PLA2G4E: variants seen among roughly 807,000 people sequenced by gnomAD.
PLA2G4E encodes the protein cytosolic phospholipase A2 epsilon.
A neutral mutation model predicts 109.1 loss-of-function variants in PLA2G4E; 84 were observed. That is an observed-to-expected ratio of 0.77 (90% confidence interval 0.65 to 0.92). The LOEUF is 0.92. PLA2G4E is among the 40% of genes least tolerant of loss of function. PLA2G4E has a pLI of 0.00. For synonymous variants in PLA2G4E, 469 were observed against 436.1 expected (o/e 1.08, Z -0.94); for missense variants, 1,057 against 1,076.6 (o/e 0.98, Z 0.25).
At chr15:42,021,642 G>A (rs866878298) in intron 1 of PLA2G4E, among the ~76,000 whole-genome samples, 13 of 152,286 alleles carry the variant, frequency 8.5e-5, no homozygotes, top group African/African-American at 2.9e-4. Context: ...GCCAGGTGGA[G>A]AGAGGGCGTG....
At position 42,045,380 on chromosome 15, in the gene PLA2G4E, C is replaced by T. The variant is rs979061983; in HGVS notation, c.183+5141G>A. Among the ~76,000 whole-genome samples the T allele has an allele frequency of 1.2e-4, 19 of 152,056 alleles. 1 individual carries two copies. Among genetic ancestry groups the T allele is most frequent in the Admixed American group, 1.0e-3 (16 of 15,272 alleles). On this transcript the variant is annotated intron_variant, in intron 1 of 19. Coordinates refer to ENST00000399518, the Ensembl canonical transcript of PLA2G4E. ...GGTGGGGTGGGGCCCCTGGAGTGGG[C>T]GGAGGCCTCTGCCTCTCATGAGATG...
intron 9 of PLA2G4E, 140 bp downstream of exon 9, chr15:41,999,777 A>G (rs2068394185): frequency 1.8e-6 from 2 of 1,125,114 alleles, no homozygotes; most frequent in Admixed American, 2.0e-5. Context: ...CTCCTGCCCC[A>G]CAAGACTCCT....
At chr15:42,000,692 G>A (rs1361960590) in intron 7 of PLA2G4E, among the ~76,000 whole-genome samples, 2 of 152,182 alleles carry the variant, frequency 1.3e-5, no homozygotes, top group Non-Finnish European at 2.9e-5. Context: ...GGCAACATGG[G>A]GTGGGGTGGG....
chr15:41,988,433 G>A (rs1191166802), intron 15 of PLA2G4E, among the ~76,000 whole-genome samples: 1 of 152,200 alleles, frequency 6.6e-6, no homozygotes, highest in Admixed American at 6.5e-5. Flanking sequence ...ATGCTGGCAA[G>A]TGCAGGCTTT....
At chr15:42,005,028 T>G in intron 4 of PLA2G4E, 50 bp from the exon 5 acceptor site, 1 of 1,602,166 alleles carries the variant, frequency 6.2e-7, no homozygotes, top group Non-Finnish European at 8.5e-7. Context: ...TGCACATCTC[T>G]GCTGACCAGA....
exon 13 of PLA2G4E, chr15:41,992,776 G>A (rs77783613): frequency 0.054 from 87,636 of 1,613,060 alleles, 3,383 homozygotes; most frequent in East Asian, 0.16. Context: ...GGCCCCAGAA[G>A]TCTGTAAAGG....
Position 42,002,264 on chromosome 15 carries a change from C to CAAAAAAAAAAAAAAA in PLA2G4E, c.609+375_609+389dup, listed in dbSNP as rs71108143. On this transcript the variant is annotated intron_variant, in intron 6 of 19. Coordinates refer to ENST00000399518, the Ensembl canonical transcript of PLA2G4E. ...TGGGCGACAGAGTGAGACCTTGTCT[C>CAAAAAAAAAAAAAAA]AAAAAAAAAAAAAAAAAAAAAAAGG... Among the ~76,000 whole-genome samples the CAAAAAAAAAAAAAAA allele has an allele frequency of 2.3e-4, 17 of 73,216 alleles. 1 individual carries two copies. Among genetic ancestry groups the CAAAAAAAAAAAAAAA allele is most frequent in the African/African-American group, 1.1e-3 (17 of 16,180 alleles). The allele number at this position is 73,216 out of a possible 152,430, so 48.0% of individuals were successfully genotyped here.
intron 12 of PLA2G4E, among the ~76,000 whole-genome samples, chr15:41,994,739 T>C (rs1302207253): frequency 6.6e-6 from 1 of 152,262 alleles, no homozygotes; most frequent in Non-Finnish European, 1.5e-5. Flanking sequence ...ATGACTGTTG[T>C]ATAAAGACAA....
At chr15:42,037,422 T>A (rs1889236864) in intron 1 of PLA2G4E, among the ~76,000 whole-genome samples, 4 of 152,230 alleles carry the variant, frequency 2.6e-5, no homozygotes, top group Admixed American at 2.6e-4. Context: ...TCCTCTCTGC[T>A]AGGAGTTGAA....
chr15:42,042,298 A>G (rs1889328820), intron 1 of PLA2G4E, among the ~76,000 whole-genome samples: 1 of 152,212 alleles, frequency 6.6e-6, no homozygotes. Context: ...TTCTAAATAT[A>G]TGTGCCTATA....
chr15:42,039,887 T>C (rs1889283479), intron 1 of PLA2G4E, among the ~76,000 whole-genome samples: 1 of 152,164 alleles, frequency 6.6e-6, no homozygotes, highest in African/African-American at 2.4e-5. Context: ...TTTAGTACAA[T>C]AACCAATTAA....
rs866358057 is a variant in PLA2G4E, at chr15:42,006,194, C to A, written c.394-73G>T. On this transcript the variant is annotated intron_variant, in intron 3 of 19. Transcript: ENST00000399518. ...CCCCTTCCCAGAACAAGGGGCTTGA[C>A]CTCTGTCCTAGCAAGGAGGTAGGTC... The A allele has an allele frequency of 3.5e-5, 56 of 1,580,174 alleles. 1 individual carries two copies. The Middle Eastern group carries it at 6.9e-4, about 19-fold the overall frequency.
At chr15:42,036,230 C>T (rs1327018691) in intron 1 of PLA2G4E, among the ~76,000 whole-genome samples, 2 of 152,126 alleles carry the variant, frequency 1.3e-5, no homozygotes, top group African/African-American at 2.4e-5. Context: ...TGCAGCCCAC[C>T]GCCCTGGGGG....
chr15:42,004,923 C>G lies in PLA2G4E; in HGVS notation c.566+15G>C. 6.2e-7 allele frequency: 1 copy of G among 1,612,724 alleles called. No homozygotes were observed. The highest frequency in any genetic ancestry group is 8.5e-7 in the Non-Finnish European group (1 of 1,179,398). ...GCCAGGACCTTGGTGGGCCCCGGGGCCTGGGCCTACTCACCTCTCCTCCAG... is the reference window on the plus strand; with the variant it reads ...GCCAGGACCTTGGTGGGCCCCGGGGGCTGGGCCTACTCACCTCTCCTCCAG... On this transcript the variant is annotated intron_variant, in intron 5 of 19. Coordinates refer to ENST00000399518, the Ensembl canonical transcript of PLA2G4E.
intron 5 of PLA2G4E, 146 bp downstream of exon 5, chr15:42,004,792 C>G: frequency 1.2e-6 from 1 of 867,874 alleles, no homozygotes; most frequent in Non-Finnish European, 1.9e-6. Flanking sequence ...GATTCTGATG[C>G]ACAGTGAAGA....
intron 18 of PLA2G4E, 147 bp downstream of exon 18, chr15:41,985,692 A>G (rs1256992777): frequency 1.3e-5 from 14 of 1,038,962 alleles, no homozygotes; most frequent in Non-Finnish European, 1.7e-5. Flanking sequence ...ACTTCCCATC[A>G]TGACTGCTGC....
rs150669810 is a variant in PLA2G4E, at chr15:42,025,504, G to T, written c.184-11747C>A. Among the ~76,000 whole-genome samples the T allele has an allele frequency of 4.3e-4, 65 of 151,596 alleles. 4 individuals carry two copies. The East Asian group carries it at 0.012, about 29-fold the overall frequency. ...GGCATACCTCCCCCCACCCCCCACTGGAGTCTGCTTTTAGCTTCCCTATCT... is the reference window on the plus strand; with the variant it reads ...GGCATACCTCCCCCCACCCCCCACTTGAGTCTGCTTTTAGCTTCCCTATCT... On this transcript the variant is annotated intron_variant, in intron 1 of 19. Transcript: ENST00000399518.
At chr15:41,988,146 G>T in exon 16 of PLA2G4E, 8 of 1,596,136 alleles carry the variant, frequency 5.0e-6, no homozygotes, top group Non-Finnish European at 6.8e-6. Flanking sequence ...AGAAGATGCT[G>T]CTCCACAGGC....
intron 1 of PLA2G4E, among the ~76,000 whole-genome samples, chr15:42,046,406 G>A (rs1338883665): frequency 2.0e-5 from 3 of 152,114 alleles, no homozygotes; most frequent in African/African-American, 7.2e-5. Context: ...AGTCACCCTG[G>A]TTTTCTCCCT....
Sources: gnomAD v4.1 joint callset for allele counts (sites outside exome capture counted in the v4.1 genomes callset) on GRCh38, gnomAD v4.1.1 for gene constraint, MANE v1.5 for transcripts, NCBI Gene and HGNC (gene_info 2026-07-23, HGNC 2026-07-21) for gene names.